THSD7B: variants seen among roughly 807,000 people sequenced by gnomAD.
The protein encoded by THSD7B is thrombospondin type 1 domain containing 7B.
Under a neutral mutation model 213.6 loss-of-function variants are expected in THSD7B, and 138 were observed. That is an observed-to-expected ratio of 0.65 (90% CI 0.56 to 0.74). THSD7B has a LOEUF of 0.74. Among genes scored for constraint, THSD7B ranks in the 30% least tolerant of loss-of-function variants. The probability of loss-of-function intolerance (pLI) is 0.00; values close to 1 mark genes in which losing one functional copy is unlikely to be tolerated. For synonymous variants in THSD7B, 742 were observed against 687.0 expected (o/e 1.08, Z -1.25); for missense variants, 1,931 against 1,991.5 (o/e 0.97, Z 0.58).
At chr2:137,013,025 G>T (rs557637829) in intron 2 of THSD7B, among the ~76,000 whole-genome samples, 1 of 152,208 alleles carries the variant, frequency 6.6e-6, no homozygotes, top group South Asian at 2.1e-4. Flanking sequence ...TCAATGAAAT[G>T]AATGTTTATT....
intron 3 of THSD7B, among the ~76,000 whole-genome samples, chr2:137,068,265 G>T (rs1204932965): frequency 1.3e-5 from 2 of 151,980 alleles, no homozygotes; most frequent in African/African-American, 4.8e-5. Context: ...TATCTCTTCT[G>T]AGTTCTAGAC....
Position 137,214,337 on chromosome 2 carries a change from T to G in THSD7B, c.1724-16707T>G, listed in dbSNP as rs141972934. The stretch of plus-strand genomic sequence containing the variant: ...ACAAGTGGAAATTGAACTATTAAAA[T>G]GACAACATTAACTCTAATAAGCATC... On this transcript the variant is annotated intron_variant, in intron 7 of 27. Transcript: ENST00000409968. 2.0e-4 allele frequency among the ~76,000 whole-genome samples: 31 copies of G among 152,258 alleles called. 1 individual carries two copies. The highest frequency in any genetic ancestry group is 1.5e-3 in the South Asian group (7 of 4,826).
chr2:137,498,217 A>G (rs911460556), intron 15 of THSD7B, among the ~76,000 whole-genome samples: 2 of 152,172 alleles, frequency 1.3e-5, no homozygotes, highest in Non-Finnish European at 2.9e-5. Context: ...TTCATTAAGG[A>G]TGTATTTATT....
At chr2:137,187,863 T>A (rs1334685528) in intron 7 of THSD7B, among the ~76,000 whole-genome samples, 1 of 152,202 alleles carries the variant, frequency 6.6e-6, no homozygotes, top group Non-Finnish European at 1.5e-5. Context: ...ATTTTTAATT[T>A]TTGTTCCAAT....
intron 4 of THSD7B, among the ~76,000 whole-genome samples, chr2:137,107,258 AC>A (rs1688271824): frequency 6.6e-6 from 1 of 152,188 alleles, no homozygotes; most frequent in Admixed American, 6.5e-5. Flanking sequence ...AAAGCTAGAA[AC>A]CATCATTCTC....
intron 2 of THSD7B, among the ~76,000 whole-genome samples, chr2:136,902,996 G>T (rs2565218): frequency 0.99 from 150,662 of 152,336 alleles, 74,525 homozygotes; most frequent in East Asian, 1. Flanking sequence ...AGCTCTGTTC[G>T]TACTAGGGTA....
intron 12 of THSD7B, among the ~76,000 whole-genome samples, chr2:137,398,166 T>C (rs1333579474): frequency 2.7e-4 from 41 of 150,360 alleles, no homozygotes; most frequent in African/African-American, 9.2e-4. Flanking sequence ...TCTCAGCTCG[T>C]CAAAGTCATT....
intron 2 of THSD7B, among the ~76,000 whole-genome samples, chr2:137,007,992 G>C (rs536041594): frequency 2.0e-5 from 3 of 152,278 alleles, no homozygotes; most frequent in Non-Finnish European, 2.9e-5. Context: ...GCAATAGTTA[G>C]TTGAGGGGGT....
intron 1 of THSD7B, among the ~76,000 whole-genome samples, chr2:136,880,838 C>T (rs1345877455): frequency 6.6e-6 from 1 of 152,106 alleles, no homozygotes; most frequent in Non-Finnish European, 1.5e-5. Flanking sequence ...ACTAGTAATC[C>T]ATTATGCACA....
intron 2 of THSD7B, among the ~76,000 whole-genome samples, chr2:136,971,059 T>G (rs961696451): frequency 6.6e-6 from 1 of 152,220 alleles, no homozygotes; most frequent in Middle Eastern, 3.4e-3. Context: ...CCTGAAAATG[T>G]TTTGCACCTA....
intron 2 of THSD7B, among the ~76,000 whole-genome samples, chr2:136,970,831 C>T (rs1480196320): frequency 6.6e-6 from 1 of 152,102 alleles, no homozygotes; most frequent in Non-Finnish European, 1.5e-5. Context: ...ACCTTATTTA[C>T]AAAGCAATGG....
At chr2:137,606,916 T>G (rs1573739783) in intron 17 of THSD7B, among the ~76,000 whole-genome samples, 1 of 152,072 alleles carries the variant, frequency 6.6e-6, no homozygotes, top group East Asian at 1.9e-4. Flanking sequence ...CTAAGGACCC[T>G]TTGGGTGGCA....
At chr2:137,078,423 C>T (rs891195440) in intron 3 of THSD7B, among the ~76,000 whole-genome samples, 9 of 152,296 alleles carry the variant, frequency 5.9e-5, no homozygotes, top group African/African-American at 2.2e-4. Flanking sequence ...TTTTCAAATT[C>T]ATTTGCATAG....
At chr2:137,097,795 CA>C (rs1185012564) in intron 4 of THSD7B, among the ~76,000 whole-genome samples, 57 of 151,656 alleles carry the variant, frequency 3.8e-4, no homozygotes, top group African/African-American at 1.2e-3. Context: ...CACACACACA[CA>C]CACACACACA....
At chr2:136,939,698 T>TA (rs1220422020) in intron 2 of THSD7B, among the ~76,000 whole-genome samples, 4 of 152,210 alleles carry the variant, frequency 2.6e-5, no homozygotes, top group African/African-American at 9.6e-5. Flanking sequence ...TTATAACCCT[T>TA]AAGTGTTATA....
intron 1 of THSD7B, among the ~76,000 whole-genome samples, chr2:136,834,691 A>C (rs1021157286): frequency 6.6e-6 from 1 of 152,132 alleles, no homozygotes; most frequent in Admixed American, 6.6e-5. Flanking sequence ...TTTTAAAAGA[A>C]GATGATTTTA....
chr2:136,994,025 G>T (rs1337637635), intron 2 of THSD7B, among the ~76,000 whole-genome samples: 5 of 152,124 alleles, frequency 3.3e-5, no homozygotes. Context: ...TATAACTCTT[G>T]GATATACTTT....
At chr2:137,470,298 T>C (rs888469804) in intron 15 of THSD7B, among the ~76,000 whole-genome samples, 1 of 152,216 alleles carries the variant, frequency 6.6e-6, no homozygotes. Context: ...CAGGTAAATG[T>C]TCTAATCCAT....
At chr2:136,925,095 C>T (rs1483491444) in intron 2 of THSD7B, among the ~76,000 whole-genome samples, 1 of 151,944 alleles carries the variant, frequency 6.6e-6, no homozygotes, top group African/African-American at 2.4e-5. Context: ...TAGGCTTTTC[C>T]ACACACACAA....
Sources: gnomAD v4.1 joint callset for allele counts (sites outside exome capture counted in the v4.1 genomes callset) on GRCh38, gnomAD v4.1.1 for gene constraint, MANE v1.5 for transcripts, NCBI Gene and HGNC (gene_info 2026-07-23, HGNC 2026-07-21) for gene names.